Variants in GRK5 observed in about 807,000 individuals in gnomAD.
GRK5 encodes the protein G protein-coupled receptor kinase 5, also known as g protein-coupled receptor kinase GRK5.
In GRK5, 40 loss-of-function variants were observed where a neutral mutation model predicts 78.4. The observed-to-expected ratio is 0.51, with a 90% CI of 0.40 to 0.66. The LOEUF (loss-of-function observed/expected upper bound fraction) is 0.66. GRK5 is among the 30% of genes least tolerant of loss of function. The probability of loss-of-function intolerance (pLI) is 0.00; values close to 1 mark genes in which losing one functional copy is unlikely to be tolerated. For synonymous variants in GRK5, 289 were observed against 296.8 expected, an observed-to-expected ratio of 0.97 and a Z score of 0.27; for missense variants, 598 against 759.9, an observed-to-expected ratio of 0.79 and a Z score of 2.50.
chr10:119,353,510 A>G (rs1334541731), intron 2 of GRK5, among the ~76,000 whole-genome samples: 1 of 152,242 alleles, frequency 6.6e-6, no homozygotes, highest in African/African-American at 2.4e-5. Context: ...ACTGTTAGAC[A>G]TTCTGTTCTT....
At position 119,420,915 on chromosome 10, in the gene GRK5, C is replaced by T. The variant is rs558288531; in HGVS notation, c.340-2251C>T. Among the ~76,000 whole-genome samples the T allele has an allele frequency of 7.2e-5, 11 of 152,340 alleles. No individual in the cohort carries two copies. In the South Asian group the frequency reaches 2.3e-3, roughly 32 times the overall value. On this transcript the variant is annotated intron_variant, in intron 4 of 15. Coordinates refer to ENST00000392870, the MANE Select transcript of GRK5 (RefSeq NM_005308.3). ...CTTCATCTTTTAATTCTACCCCTGC[C>T]CAGCACCAGGCTGTGCCTGTGGTGG...
At chr10:119,394,366 G>A (rs1851976259) in intron 3 of GRK5, among the ~76,000 whole-genome samples, 4 of 109,296 alleles carry the variant, frequency 3.7e-5, no homozygotes, top group Non-Finnish European at 6.0e-5. Flanking sequence ...GTGTGGGTGT[G>A]TGTGGGTGTC....
chr10:119,278,368 C>T (rs748382589), intron 1 of GRK5, among the ~76,000 whole-genome samples: 7 of 152,000 alleles, frequency 4.6e-5, no homozygotes, highest in Non-Finnish European at 7.4e-5. Flanking sequence ...TAACTGCCTT[C>T]GGGAAGCCAT....
Position 119,264,739 on chromosome 10 carries a change from A to G in GRK5, c.52+56770A>G, listed in dbSNP as rs991270231. Among the ~76,000 whole-genome samples the G allele has an allele frequency of 6.6e-6, 1 of 152,150 alleles. No individual in the cohort carries two copies. The highest frequency in any genetic ancestry group is 2.4e-5 in the African/African-American group (1 of 41,436). ...CTGGCATTGTAAGTGGGGTAGGACTATTCTTCAGCAGTGGGAGGGACCCTG... is the reference window on the plus strand; with the variant it reads ...CTGGCATTGTAAGTGGGGTAGGACTGTTCTTCAGCAGTGGGAGGGACCCTG... On this transcript the variant is annotated intron_variant, in intron 1 of 15. Transcript: ENST00000392870. This position sits in a 1 kb window ranked among gnomAD's most constrained non-coding sequence, Gnocchi z 4.1.
intron 1 of GRK5, among the ~76,000 whole-genome samples, chr10:119,220,295 C>T (rs542324926): frequency 6.6e-6 from 1 of 152,202 alleles, no homozygotes; most frequent in East Asian, 1.9e-4. Flanking sequence ...AGATATTTGC[C>T]CCAGATGTCT....
chr10:119,246,501 G>C (rs1469328154), intron 1 of GRK5, among the ~76,000 whole-genome samples: 1 of 152,084 alleles, frequency 6.6e-6, no homozygotes, highest in Non-Finnish European at 1.5e-5. Flanking sequence ...TTTTGTTCCT[G>C]ATGTAATGGG....
At chr10:119,369,701 G>A (rs1851515721) in intron 2 of GRK5, among the ~76,000 whole-genome samples, 1 of 152,210 alleles carries the variant, frequency 6.6e-6, no homozygotes, top group East Asian at 1.9e-4. Context: ...TGCCTTTTCT[G>A]CGGACGCCTC....
chr10:119,303,344 G>A (rs1264705834), intron 1 of GRK5, among the ~76,000 whole-genome samples: 14 of 152,190 alleles, frequency 9.2e-5, no homozygotes, highest in Non-Finnish European at 2.1e-4. Context: ...AGGTGGAGGT[G>A]TTACCTTAGA....
intron 6 of GRK5, among the ~76,000 whole-genome samples, chr10:119,426,667 T>A (rs1286807711): frequency 6.6e-6 from 1 of 152,176 alleles, no homozygotes; most frequent in Non-Finnish European, 1.5e-5. Context: ...GTTGCATCCA[T>A]CACCACCATC....
rs999730471 is a variant in GRK5 at position 119,395,630 on chromosome 10, A to G, written c.262-1065A>G. ...AAAGGGCCGCTTACTCAGGCTTTTT[A>G]TTGACTCGAGGCCCTTTATCCATGT... On this transcript the variant is annotated intron_variant, in intron 3 of 15. Coordinates refer to ENST00000392870, the MANE Select transcript of GRK5 (RefSeq NM_005308.3). Among the ~76,000 whole-genome samples the G allele has an allele frequency of 9.2e-5, 14 of 152,302 alleles. No individual in the cohort carries two copies. The East Asian group carries it at 2.5e-3, about 27-fold the overall frequency.
At chr10:119,254,669 C>G (rs754041638) in intron 1 of GRK5, among the ~76,000 whole-genome samples, 1 of 152,038 alleles carries the variant, frequency 6.6e-6, no homozygotes, top group Non-Finnish European at 1.5e-5. Context: ...GTGGATGACT[C>G]TGGACTATTT....
intron 2 of GRK5, chr10:119,335,130 C>G (rs1850852398): frequency 2.5e-5 from 1 of 40,394 alleles, no homozygotes; most frequent in East Asian, 9.3e-4. Flanking sequence ...CCTGCCTTGC[C>G]TCTCTCTCTC....
intron 1 of GRK5, among the ~76,000 whole-genome samples, chr10:119,274,649 C>T (rs1849638150): frequency 6.6e-6 from 1 of 152,208 alleles, no homozygotes; most frequent in Admixed American, 6.5e-5. Context: ...ATTTCTCCCT[C>T]TAGACTGTTG....
At chr10:119,441,015 A>G (rs2133905830) in intron 10 of GRK5, among the ~76,000 whole-genome samples, 1 of 152,294 alleles carries the variant, frequency 6.6e-6, no homozygotes. Flanking sequence ...TCCTCCCACC[A>G]GGCCCCAGAA....
intron 8 of GRK5, among the ~76,000 whole-genome samples, chr10:119,433,356 G>A (rs1329473578): frequency 2.0e-5 from 3 of 152,244 alleles, no homozygotes; most frequent in Non-Finnish European, 4.4e-5. Context: ...TGAAGGGACA[G>A]TGCTGGCGGG....
chr10:119,393,703 C>T lies in GRK5; in HGVS notation c.262-2992C>T, dbSNP rs1041523987. 9.2e-5 allele frequency among the ~76,000 whole-genome samples: 14 copies of T among 152,304 alleles called. No individual in the cohort carries two copies. The East Asian group carries it at 2.5e-3, about 27-fold the overall frequency. On this transcript the variant is annotated intron_variant, in intron 3 of 15. Transcript: ENST00000392870. ...CTAGAGTGCTCAGCCCCTTTGGAGA[C>T]GCCACTGCTGCCCCGTCGCTTGCTA...
chr10:119,425,418 C>G (rs1852659970), intron 6 of GRK5, among the ~76,000 whole-genome samples: 1 of 152,174 alleles, frequency 6.6e-6, no homozygotes, highest in African/African-American at 2.4e-5. Context: ...TGATTTAATC[C>G]AGTGCCCTGT....
At chr10:119,357,372 T>C (rs950154818) in intron 2 of GRK5, among the ~76,000 whole-genome samples, 1 of 152,120 alleles carries the variant, frequency 6.6e-6, no homozygotes, top group African/African-American at 2.4e-5. Context: ...CCCAGGGAAG[T>C]GGAAGCTGAG....
chr10:119,453,075 G>A (rs1055614376), intron 14 of GRK5, 70 bp from the exon 15 acceptor site: 1 of 1,023,456 alleles, frequency 9.8e-7, no homozygotes, highest in African/African-American at 1.6e-5. Flanking sequence ...GGGAGCCCCA[G>A]TGGCTTTGCT....
Sources: allele counts gnomAD v4.1 joint callset (sites outside exome capture counted in the v4.1 genomes callset), GRCh38; gene constraint gnomAD v4.1.1; non-coding constraint Gnocchi (gnomAD v3.1); transcripts MANE v1.5; gene names NCBI Gene and HGNC (gene_info 2026-07-23, HGNC 2026-07-21).